PARD3B: variants seen among roughly 807,000 people sequenced by gnomAD.
PARD3B encodes par-3 family cell polarity regulator beta, also known as partitioning defective 3 homolog B.
PARD3B carries 103 observed loss-of-function variants against 130.2 expected under a neutral mutation model. That is an observed-to-expected ratio of 0.79 (90% CI 0.67 to 0.93). The LOEUF (loss-of-function observed/expected upper bound fraction) is 0.93, where lower values mean the gene tolerates loss of function less well. PARD3B is among the 40% of genes least tolerant of loss of function. PARD3B has a pLI of 0.00. For missense variants in PARD3B, 1,609 were observed against 1,499.2 expected, an observed-to-expected ratio of 1.07 and a Z score of -1.21; for synonymous variants, 583 against 553.2, an observed-to-expected ratio of 1.05 and a Z score of -0.76.
rs75741788 is a variant in PARD3B at position 205,110,884 on chromosome 2, C to T, written c.594-2607C>T. 5.7e-3 allele frequency among the ~76,000 whole-genome samples: 874 copies of T among 152,184 alleles called. 3 individuals are homozygous for T. Among genetic ancestry groups the T allele is most frequent in the Non-Finnish European group, 0.011 (718 of 67,988 alleles). ...ATTTTCATGTCTTTGTAAAATCTCA[C>T]TTTATGAGATATGTCGTCAAATAAT... On this transcript the variant is annotated intron_variant, in intron 5 of 22. Coordinates refer to ENST00000406610, the MANE Select transcript of PARD3B (RefSeq NM_001302769.2).
Position 205,266,446 on chromosome 2 carries a change from G to A in PARD3B, c.2185+20624G>A, listed in dbSNP as rs764836785. Among the ~76,000 whole-genome samples the A allele has an allele frequency of 2.0e-5, 3 of 152,202 alleles. No homozygotes were observed. The East Asian group carries it at 5.8e-4, about 29-fold the overall frequency. The stretch of plus-strand genomic sequence containing the variant: ...ATAGGTCAAAAATACAATTATTGTA[G>A]TCTTAATTGGAGTCATAGCAACTTG... On this transcript the variant is annotated intron_variant, in intron 16 of 22. Coordinates refer to ENST00000406610, the MANE Select transcript of PARD3B (RefSeq NM_001302769.2).
intron 22 of PARD3B, among the ~76,000 whole-genome samples, chr2:205,602,953 A>G (rs1034197274): frequency 3.9e-5 from 6 of 152,154 alleles, no homozygotes; most frequent in Admixed American, 6.5e-5. Context: ...TTGTGATGTT[A>G]GGGTGTCAAT....
chr2:205,213,248 C>G (rs2037740818), intron 15 of PARD3B, among the ~76,000 whole-genome samples: 1 of 151,892 alleles, frequency 6.6e-6, no homozygotes, highest in African/African-American at 2.4e-5. Flanking sequence ...TTCTGAATTC[C>G]TAAAGCAGTA....
intron 1 of PARD3B, among the ~76,000 whole-genome samples, chr2:204,667,877 CT>C (rs2036098884): frequency 6.6e-6 from 1 of 152,072 alleles, no homozygotes; most frequent in Admixed American, 6.6e-5. Context: ...TGGACTCTGC[CT>C]TTTAGCATGT....
At chr2:205,002,060 G>A (rs985928892) in intron 3 of PARD3B, among the ~76,000 whole-genome samples, 2 of 152,182 alleles carry the variant, frequency 1.3e-5, no homozygotes, top group East Asian at 1.9e-4. Context: ...AAGTAGCTAC[G>A]ATTAACATTC....
At chr2:205,566,072 G>A (rs1406782531) in intron 22 of PARD3B, among the ~76,000 whole-genome samples, 1 of 152,220 alleles carries the variant, frequency 6.6e-6, no homozygotes, top group Non-Finnish European at 1.5e-5. Flanking sequence ...GAGGCCTTGT[G>A]TAGGAGAACA....
chr2:205,427,979 G>T (rs2106117026), intron 19 of PARD3B, among the ~76,000 whole-genome samples: 1 of 152,178 alleles, frequency 6.6e-6, no homozygotes, highest in East Asian at 1.9e-4. Context: ...CCCCAACTCT[G>T]TTCCCCACAG....
intron 22 of PARD3B, among the ~76,000 whole-genome samples, chr2:205,612,282 A>C (rs1045375472): frequency 6.6e-6 from 1 of 152,080 alleles, no homozygotes; most frequent in Non-Finnish European, 1.5e-5. Context: ...CCTCCCGAGT[A>C]GCTGGGATTA....
chr2:204,729,998 A>ACACACACACACAC (rs2039425997), intron 2 of PARD3B, among the ~76,000 whole-genome samples: 1 of 141,366 alleles, frequency 7.1e-6, no homozygotes, highest in African/African-American at 2.6e-5. Flanking sequence ...CACACACACA[A>ACACACACACACAC]ACACACACAC....
rs192529631 is a variant in PARD3B at position 204,669,017 on chromosome 2, C to T, written c.121-17164C>T. Among the ~76,000 whole-genome samples the T allele has an allele frequency of 2.5e-3, 379 of 152,244 alleles. 1 individual carries two copies. The highest frequency in any genetic ancestry group is 4.4e-3 in the Non-Finnish European group (297 of 68,020). ...TAGAAAAAGCAAGTTAATGAATCCT[C>T]CCTTGGAGCCTCCAGAAAGGAATTC... On this transcript the variant is annotated intron_variant, in intron 1 of 22. Coordinates refer to ENST00000406610, the MANE Select transcript of PARD3B (RefSeq NM_001302769.2). The surrounding 1 kb of genome is among the most constrained non-coding windows in gnomAD (Gnocchi z 4.3).
chr2:204,869,168 A>G (rs562610706), intron 2 of PARD3B, among the ~76,000 whole-genome samples: 18 of 152,202 alleles, frequency 1.2e-4, no homozygotes, highest in Admixed American at 1.1e-3. Flanking sequence ...TATGATTTTT[A>G]TGGGGCTTTG....
At chr2:205,582,758 G>A (rs1009699518) in intron 22 of PARD3B, among the ~76,000 whole-genome samples, 4 of 151,704 alleles carry the variant, frequency 2.6e-5, no homozygotes, top group Admixed American at 2.0e-4. Flanking sequence ...CATTGCCTCC[G>A]ATAAAAGTAA....
Position 205,275,837 on chromosome 2 carries a change from CAAAA to C in PARD3B, c.2186-24671_2186-24668del, listed in dbSNP as rs59238795. ...GAGCAACAAGAGTGAAACTTTGTCT[CAAAA>C]AAAAAAAAAAAAAAAAAAAAAGGTT... On this transcript the variant is annotated intron_variant, in intron 16 of 22. Transcript: ENST00000406610. Among the ~76,000 whole-genome samples the C allele has an allele frequency of 2.3e-3, 142 of 60,648 alleles. 2 individuals carry two copies. In the East Asian group the frequency reaches 0.044, roughly 19 times the overall value. 39.8% of individuals were successfully genotyped at this position (60,648 alleles called of 152,430 possible).
At chr2:205,349,991 T>C (rs2043939014) in intron 18 of PARD3B, among the ~76,000 whole-genome samples, 1 of 152,076 alleles carries the variant, frequency 6.6e-6, no homozygotes, top group South Asian at 2.1e-4. Context: ...CCAGTGGGTT[T>C]TGGCTGACAT....
At chr2:204,892,090 G>A (rs1229189838) in intron 2 of PARD3B, among the ~76,000 whole-genome samples, 1 of 152,170 alleles carries the variant, frequency 6.6e-6, no homozygotes, top group Non-Finnish European at 1.5e-5. Flanking sequence ...GTAGATAGGG[G>A]GAGCCAGAGG....
chr2:205,077,374 C>G (rs577992455), intron 4 of PARD3B, among the ~76,000 whole-genome samples: 7 of 152,208 alleles, frequency 4.6e-5, no homozygotes, highest in African/African-American at 1.4e-4. Flanking sequence ...TTTCATGGCT[C>G]AAGGCGAATT....
chr2:205,017,509 T>G (rs1696238616), intron 3 of PARD3B, among the ~76,000 whole-genome samples: 1 of 152,024 alleles, frequency 6.6e-6, no homozygotes, highest in South Asian at 2.1e-4. Context: ...GACCTCAAAT[T>G]CTGAGGTCAT....
rs1318431295 is a variant in PARD3B, at chr2:204,673,268, G to T, written c.121-12913G>T. Among the ~76,000 whole-genome samples, 1 of 152,108 alleles carries T rather than the reference G, an allele frequency of 6.6e-6. No homozygotes were observed. Among genetic ancestry groups the T allele is most frequent in the Admixed American group, 6.6e-5 (1 of 15,258 alleles). ...GTAAGTCCCTTCTTCTTCCTTTCTAGAAGTATTTTCTTTTAAAAGAAAAGG... is the reference window on the plus strand; with the variant it reads ...GTAAGTCCCTTCTTCTTCCTTTCTATAAGTATTTTCTTTTAAAAGAAAAGG... On this transcript the variant is annotated intron_variant, in intron 1 of 22. Transcript: ENST00000406610. The surrounding 1 kb of genome is among the most constrained non-coding windows in gnomAD (Gnocchi z 4.7).
chr2:205,586,291 C>T (rs1016482923), intron 22 of PARD3B, among the ~76,000 whole-genome samples: 3 of 152,184 alleles, frequency 2.0e-5, no homozygotes, highest in African/African-American at 7.2e-5. Flanking sequence ...ATTGATTGTC[C>T]TCTTTTAGAG....
Sources: allele counts gnomAD v4.1 joint callset (sites outside exome capture counted in the v4.1 genomes callset), GRCh38; gene constraint gnomAD v4.1.1; non-coding constraint Gnocchi (gnomAD v3.1); transcripts MANE v1.5; gene names NCBI Gene and HGNC (gene_info 2026-07-23, HGNC 2026-07-21).